NDST4: variants seen among roughly 807,000 people sequenced by gnomAD.
NDST4 encodes N-heparan sulfate sulfotransferase 4.
Under a neutral mutation model 100.8 loss-of-function variants are expected in NDST4, and 63 were observed. The ratio of observed to expected loss-of-function variants is 0.62; its 90% CI spans 0.51 to 0.77. The LOEUF (loss-of-function observed/expected upper bound fraction) is 0.77. Among genes scored for constraint, NDST4 ranks in the 30% least tolerant of loss-of-function variants. The pLI is 0.00. For synonymous variants in NDST4, 377 were observed against 361.8 expected (o/e 1.04, Z -0.48); for missense variants, 943 against 1,018.4 (o/e 0.93, Z 1.01).
At chr4:114,954,403 A>G (rs1726089965) in intron 4 of NDST4, among the ~76,000 whole-genome samples, 1 of 152,170 alleles carries the variant, frequency 6.6e-6, no homozygotes, top group African/African-American at 2.4e-5. Flanking sequence ...TAAAAGCAGG[A>G]TGGCAACTTT....
chr4:115,010,636 T>C (rs555050124), intron 2 of NDST4, among the ~76,000 whole-genome samples: 1 of 71,482 alleles, frequency 1.4e-5, no homozygotes, highest in East Asian at 5.2e-4. Context: ...TGTATACATA[T>C]GTAACTAACC....
intron 2 of NDST4, among the ~76,000 whole-genome samples, chr4:115,073,235 C>T (rs1729113057): frequency 6.6e-6 from 1 of 151,798 alleles, no homozygotes; most frequent in Admixed American, 6.6e-5. Flanking sequence ...AACAGTATAG[C>T]CACTATGGAA....
At chr4:115,079,077 C>T (rs1162602503) in intron 1 of NDST4, among the ~76,000 whole-genome samples, 7 of 151,912 alleles carry the variant, frequency 4.6e-5, no homozygotes, top group Non-Finnish European at 1.0e-4. Context: ...TTACTACAGG[C>T]ACGGTGGCTC....
intron 1 of NDST4, among the ~76,000 whole-genome samples, chr4:115,099,289 A>C (rs916657345): frequency 5.3e-5 from 8 of 152,164 alleles, no homozygotes; most frequent in African/African-American, 1.7e-4. Flanking sequence ...CAAAAGGAAC[A>C]ATCCAAAAAA....
Position 114,986,830 on chromosome 4 carries a change from A to ATATTTATT in NDST4, c.979-9557_979-9556insAATAAATA, listed in dbSNP as rs1553959397. On this transcript the variant is annotated intron_variant, in intron 2 of 13. Coordinates refer to ENST00000264363, the MANE Select transcript of NDST4 (RefSeq NM_022569.3). ...TATATATATATATATATATATATAT[A>ATATTTATT]TATTTTAATATACTATTCCTATAAG... Among the ~76,000 whole-genome samples the ATATTTATT allele has an allele frequency of 7.3e-4, 67 of 91,948 alleles. 1 individual carries two copies. Among genetic ancestry groups the ATATTTATT allele is most frequent in the African/African-American group, 2.8e-3 (65 of 23,308 alleles). 60.3% of individuals were successfully genotyped at this position (91,948 alleles called of 152,430 possible).
chr4:115,102,173 A>G (rs948344791), intron 1 of NDST4, among the ~76,000 whole-genome samples: 2 of 152,168 alleles, frequency 1.3e-5, no homozygotes, highest in African/African-American at 4.8e-5. Context: ...AACCATTATT[A>G]TATTTAGTAT....
intron 7 of NDST4, among the ~76,000 whole-genome samples, chr4:114,867,665 C>CAAAAAAAAAAAAAAAAAAAAAG: frequency 5.0e-5 from 4 of 79,892 alleles, no homozygotes; most frequent in East Asian, 4.0e-4. Flanking sequence ...AAAAAAAAAG[C>CAAAAAAAAAAAAAAAAAAAAAG]AAAAAAAAAA....
chr4:115,084,902 C>T (rs777437721), intron 1 of NDST4, among the ~76,000 whole-genome samples: 2 of 152,092 alleles, frequency 1.3e-5, no homozygotes, highest in Non-Finnish European at 2.9e-5. Flanking sequence ...CCTACTGTGG[C>T]ACTGCTTAGT....
At chr4:114,950,871 C>A (rs572286936) in intron 4 of NDST4, among the ~76,000 whole-genome samples, 95 of 88,612 alleles carry the variant, frequency 1.1e-3, no homozygotes, top group Middle Eastern at 4.5e-3. Flanking sequence ...TCTCAAAAAC[C>A]TAAAATGTCA....
intron 6 of NDST4, among the ~76,000 whole-genome samples, chr4:114,909,624 CAGT>C (rs1725023080): frequency 7.2e-6 from 1 of 138,976 alleles, no homozygotes; most frequent in Non-Finnish European, 1.5e-5. Flanking sequence ...TGCGCCACTG[CAGT>C]CTGCAGTCCG....
intron 2 of NDST4, among the ~76,000 whole-genome samples, chr4:114,993,475 T>G (rs868520026): frequency 1.3e-5 from 2 of 152,068 alleles, no homozygotes; most frequent in Middle Eastern, 3.4e-3. Flanking sequence ...AGAAAGTGGC[T>G]CACTCAGCAT....
chr4:114,870,807 A>G lies in NDST4; in HGVS notation c.1680T>C (p.Tyr560=), dbSNP rs1280954033. The G allele has an allele frequency of 6.2e-7, 1 of 1,612,836 alleles. No homozygotes were observed. Among genetic ancestry groups the G allele is most frequent in the Non-Finnish European group, 8.5e-7 (1 of 1,179,322 alleles). The part of the protein sequence containing the change: ...TLPPVQLAHQ[Y]FELFPEQKDP... ...CTTTCTGCTCAGGGAAGAGCTCAAA[A>G]TACTGGTGGGCCAGTTGCACTGGAG... The change falls in exon 7 of 14, where the codon TAT becomes TAC. Residue 560 remains tyrosine, a synonymous_variant. Transcript: ENST00000264363.
rs111323245 is a variant in NDST4 at position 114,880,445 on chromosome 4, T to C, written c.1537-9495A>G. On this transcript the variant is annotated intron_variant, in intron 6 of 13. Transcript: ENST00000264363. ...ATGTTGCAATGATGCCACATAAAAG[T>C]CACTGAAGTGCAAATTCATAACCCC... Among the ~76,000 whole-genome samples the C allele has an allele frequency of 6.2e-3, 949 of 152,232 alleles. 8 individuals are homozygous for C. Among genetic ancestry groups the C allele is most frequent in the African/African-American group, 0.022 (913 of 41,548 alleles).
chr4:115,048,921 G>C (rs989724204), intron 2 of NDST4, among the ~76,000 whole-genome samples: 1 of 151,936 alleles, frequency 6.6e-6, no homozygotes, highest in African/African-American at 2.4e-5. Flanking sequence ...TTACAGGTGT[G>C]AGCCACTGCG....
At chr4:114,833,044 C>G (rs1440109996) in intron 12 of NDST4, among the ~76,000 whole-genome samples, 3 of 152,170 alleles carry the variant, frequency 2.0e-5, no homozygotes, top group Admixed American at 6.5e-5. Context: ...TGTATCCTGT[C>G]TAATTCCTGA....
intron 6 of NDST4, among the ~76,000 whole-genome samples, chr4:114,898,178 T>G (rs946287175): frequency 6.6e-6 from 1 of 152,210 alleles, no homozygotes; most frequent in African/African-American, 2.4e-5. Context: ...AGGAGTTTTA[T>G]AGTTTTAGGT....
intron 7 of NDST4, among the ~76,000 whole-genome samples, chr4:114,861,779 C>G (rs1723922677): frequency 6.6e-6 from 1 of 151,996 alleles, no homozygotes; most frequent in African/African-American, 2.4e-5. Flanking sequence ...TGCCTGGTTC[C>G]TGCAACTCAT....
chr4:115,041,057 T>C (rs1349299492), intron 2 of NDST4, among the ~76,000 whole-genome samples: 1 of 152,212 alleles, frequency 6.6e-6, no homozygotes, highest in African/African-American at 2.4e-5. Flanking sequence ...ATAAAGGTAT[T>C]CCAGCTATTA....
intron 4 of NDST4, among the ~76,000 whole-genome samples, chr4:114,946,783 G>A (rs955119441): frequency 6.6e-6 from 1 of 152,164 alleles, no homozygotes; most frequent in Non-Finnish European, 1.5e-5. Flanking sequence ...CGGCAACACT[G>A]AAGAGAAGGA....
Sources: gnomAD v4.1 joint callset for allele counts (sites outside exome capture counted in the v4.1 genomes callset) on GRCh38, gnomAD v4.1.1 for gene constraint, MANE v1.5 for transcripts, NCBI Gene and HGNC (gene_info 2026-07-23, HGNC 2026-07-21) for gene names.